CSMD1: variants seen among roughly 807,000 people sequenced by gnomAD.
CSMD1 encodes the protein CUB and Sushi multiple domains 1.
Under a neutral mutation model 417.5 loss-of-function variants are expected in CSMD1, and 213 were observed. That is an observed-to-expected ratio of 0.51 (90% CI 0.46 to 0.57). The LOEUF is 0.57. Ranked by LOEUF, CSMD1 falls within the 20% of genes least tolerant of loss-of-function variation. The probability of loss-of-function intolerance (pLI) is 0.00; values close to 1 mark genes in which losing one functional copy is unlikely to be tolerated. For synonymous variants in CSMD1, 2,862 were observed against 1,736.8 expected, an observed-to-expected ratio of 1.65 and a Z score of -16.11; for missense variants, 6,923 against 4,529.7, an observed-to-expected ratio of 1.53 and a Z score of -15.17.
chr8:2,962,848 A>C (rs1194252582), intron 60 of CSMD1, among the ~76,000 whole-genome samples: 2 of 152,212 alleles, frequency 1.3e-5, no homozygotes, highest in African/African-American at 4.8e-5. Context: ...CAGGAGTTCG[A>C]GACTAGCCTG....
intron 37 of CSMD1, among the ~76,000 whole-genome samples, chr8:3,175,355 G>A (rs949723551): frequency 6.6e-6 from 1 of 152,036 alleles, no homozygotes; most frequent in African/African-American, 2.4e-5. Context: ...ACGTTATTCA[G>A]AATATATTGT....
intron 3 of CSMD1, among the ~76,000 whole-genome samples, chr8:4,060,671 A>G (rs1197801371): frequency 6.6e-6 from 1 of 152,148 alleles, no homozygotes; most frequent in Non-Finnish European, 1.5e-5. Flanking sequence ...CCTGGCATGA[A>G]CATAGATAAG....
intron 1 of CSMD1, among the ~76,000 whole-genome samples, chr8:4,866,979 A>G (rs1198508132): frequency 6.6e-6 from 1 of 151,998 alleles, no homozygotes; most frequent in Admixed American, 6.6e-5. Context: ...TACTAGAGAC[A>G]TTGTATTTCC....
At chr8:2,992,443 T>A (rs1159400627) in intron 54 of CSMD1, among the ~76,000 whole-genome samples, 1 of 151,944 alleles carries the variant, frequency 6.6e-6, no homozygotes, top group African/African-American at 2.4e-5. Context: ...GTTTTTTTTT[T>A]AATGAAGTCT....
chr8:4,299,673 C>G (rs144637123), intron 3 of CSMD1, among the ~76,000 whole-genome samples: 3 of 152,134 alleles, frequency 2.0e-5, no homozygotes, highest in Non-Finnish European at 2.9e-5. Context: ...CTCATTCTGT[C>G]GCCAGGCTGG....
At chr8:2,943,003 T>C (rs1186795061) in intron 68 of CSMD1, among the ~76,000 whole-genome samples, 2 of 152,198 alleles carry the variant, frequency 1.3e-5, no homozygotes, top group Admixed American at 1.3e-4. Context: ...CGGCAAAATA[T>C]GTCATTGAAA....
intron 3 of CSMD1, among the ~76,000 whole-genome samples, chr8:4,404,338 A>G (rs1804863394): frequency 6.6e-6 from 1 of 152,176 alleles, no homozygotes; most frequent in Non-Finnish European, 1.5e-5. Flanking sequence ...CTCCACTGGA[A>G]TTAAGACCCA....
Position 2,974,551 on chromosome 8 carries a change from G to A in CSMD1, c.8640C>T (p.Val2880=), listed in dbSNP as rs368382333. The A allele has an allele frequency of 1.5e-5, 24 of 1,613,354 alleles. No individual in the cohort carries two copies. The highest frequency in any genetic ancestry group is 1.2e-4 in the African/African-American group (9 of 75,060). The part of the protein sequence containing the change: ...LTGELFTYGA[V]VHYSCRGSES... ...CGCTCCCTCTGCAGGAGTAGTGCACGACGGCGCCATAGGTAAACAGCTCTC... is the reference window on the plus strand; with the variant it reads ...CGCTCCCTCTGCAGGAGTAGTGCACAACGGCGCCATAGGTAAACAGCTCTC... Residue 2880 remains valine, a synonymous_variant, in exon 56 of 70, where the codon GTC becomes GTT. Transcript: ENST00000635120.
chr8:3,809,435 G>C (rs748656339), intron 5 of CSMD1, among the ~76,000 whole-genome samples: 1 of 152,200 alleles, frequency 6.6e-6, no homozygotes, highest in African/African-American at 2.4e-5. Context: ...CATCAAAAGT[G>C]ATTAGTACAA....
Position 3,761,208 on chromosome 8 carries a change from T to C in CSMD1, c.819-7166A>G, listed in dbSNP as rs768216900. Reference sequence around the variant, plus strand: ...GGAAAAGCGACAATGAACTCTCATATTGCAAGAACATGAAAAACAGTTAAA... The same window carrying C: ...GGAAAAGCGACAATGAACTCTCATACTGCAAGAACATGAAAAACAGTTAAA... On this transcript the variant is annotated intron_variant, in intron 5 of 69. Coordinates refer to ENST00000635120, the MANE Select transcript of CSMD1 (RefSeq NM_033225.6). Among the ~76,000 whole-genome samples the C allele has an allele frequency of 4.6e-5, 7 of 152,294 alleles. No individual in the cohort carries two copies. In the East Asian group the frequency reaches 1.2e-3, roughly 25 times the overall value.
In CSMD1 at chr8:4,387,510, C is replaced by T. The variant is rs1002451043; in HGVS notation, c.415+32443G>A. On this transcript the variant is annotated intron_variant, in intron 3 of 69. Coordinates refer to ENST00000635120, the MANE Select transcript of CSMD1 (RefSeq NM_033225.6). Reference sequence around the variant, plus strand: ...ATACTTGCATAATTGTTCATAAATACTATTTCTGTGGGAGCTTATCTTTTA... The same window carrying T: ...ATACTTGCATAATTGTTCATAAATATTATTTCTGTGGGAGCTTATCTTTTA... Among the ~76,000 whole-genome samples, 4 of 124,190 alleles carry T rather than the reference C, an allele frequency of 3.2e-5. No individual in the cohort carries two copies. The Admixed American group carries it at 4.1e-4, about 13-fold the overall frequency. The allele number at this position is 124,190 out of a possible 152,430, so 81.5% of individuals were successfully genotyped here.
chr8:3,346,314 G>A (rs1201524614), intron 22 of CSMD1, among the ~76,000 whole-genome samples: 1 of 152,078 alleles, frequency 6.6e-6, no homozygotes, highest in Non-Finnish European at 1.5e-5. Flanking sequence ...TGTATTTTAT[G>A]CAGTATCTCT....
At chr8:4,475,731 G>A (rs573195274) in intron 2 of CSMD1, among the ~76,000 whole-genome samples, 1 of 151,902 alleles carries the variant, frequency 6.6e-6, no homozygotes, top group East Asian at 1.9e-4. Context: ...TCCTGCATCA[G>A]CCTCCCGAGT....
In CSMD1 at chr8:3,770,863, T is replaced by C. The variant is rs368977021; in HGVS notation, c.819-16821A>G. Among the ~76,000 whole-genome samples the C allele has an allele frequency of 4.6e-5, 7 of 152,338 alleles. No homozygotes were observed. In the South Asian group the frequency reaches 1.0e-3, roughly 23 times the overall value. Reference sequence around the variant, plus strand: ...AAAGGAGGAAAAACAAATGGTCCTGTAGCTCATATTTTTTAGTCTCATAGC... The same window carrying C: ...AAAGGAGGAAAAACAAATGGTCCTGCAGCTCATATTTTTTAGTCTCATAGC... On this transcript the variant is annotated intron_variant, in intron 5 of 69. Coordinates refer to ENST00000635120, the MANE Select transcript of CSMD1 (RefSeq NM_033225.6).
chr8:4,784,671 G>C (rs1262629540), intron 1 of CSMD1, among the ~76,000 whole-genome samples: 2 of 152,108 alleles, frequency 1.3e-5, no homozygotes, highest in East Asian at 1.9e-4. Flanking sequence ...AAATATTTTT[G>C]AAAATTCAGA....
chr8:4,135,730 T>TG (rs1803389755), intron 3 of CSMD1, among the ~76,000 whole-genome samples: 1 of 152,186 alleles, frequency 6.6e-6, no homozygotes, highest in Non-Finnish European at 1.5e-5. Flanking sequence ...CAGTCACCAA[T>TG]TTATCATTTA....
chr8:3,248,563 T>C (rs1800044846), intron 26 of CSMD1, among the ~76,000 whole-genome samples: 1 of 136,234 alleles, frequency 7.3e-6, no homozygotes. Context: ...GTAGTCTCGC[T>C]CTGTCGCCCA....
intron 1 of CSMD1, among the ~76,000 whole-genome samples, chr8:4,869,881 G>T (rs1048639916): frequency 2.6e-5 from 4 of 151,778 alleles, no homozygotes; most frequent in Non-Finnish European, 4.4e-5. Context: ...TCAATGAAAA[G>T]AAGTTAATGT....
At chr8:3,290,689 T>G (rs2117274261) in intron 25 of CSMD1, among the ~76,000 whole-genome samples, 1 of 147,528 alleles carries the variant, frequency 6.8e-6, no homozygotes, top group East Asian at 2.0e-4. Flanking sequence ...TCCTGAGACT[T>G]TGCTGAAGTT....
Sources: gnomAD v4.1 joint callset for allele counts (sites outside exome capture counted in the v4.1 genomes callset) on GRCh38, gnomAD v4.1.1 for gene constraint, MANE v1.5 for transcripts, NCBI Gene and HGNC (gene_info 2026-07-23, HGNC 2026-07-21) for gene names.